ADNP: variants seen among roughly 807,000 people sequenced by gnomAD.
The protein encoded by ADNP is activity-dependent neuroprotector homeobox protein.
A neutral mutation model predicts 84.9 loss-of-function variants in ADNP; 4 were observed. That is an observed-to-expected ratio of 0.05 (90% CI 0.02 to 0.11). The LOEUF is 0.11. ADNP is among the 10% of genes least tolerant of loss of function. The probability of loss-of-function intolerance (pLI) is 1.00; values close to 1 mark genes in which losing one functional copy is unlikely to be tolerated. For synonymous variants in ADNP, 554 were observed against 468.1 expected (o/e 1.18, Z -2.37); for missense variants, 1,132 against 1,326.0 (o/e 0.85, Z 2.27).
intron 2 of ADNP, among the ~76,000 whole-genome samples, chr20:50,921,776 A>G (rs1452751292): frequency 6.6e-6 from 1 of 152,240 alleles, no homozygotes; most frequent in Non-Finnish European, 1.5e-5. Flanking sequence ...CCGACCCTTC[A>G]TCAATTTAAG....
intron 1 of ADNP, among the ~76,000 whole-genome samples, chr20:50,930,506 G>A (rs1476748376): frequency 6.6e-6 from 1 of 152,096 alleles, no homozygotes; most frequent in Non-Finnish European, 1.5e-5. Context: ...TCTGGCTGGG[G>A]GAGATGCCCT....
At chr20:50,895,023 T>C (rs959461846) in intron 5 of ADNP, among the ~76,000 whole-genome samples, 6 of 152,220 alleles carry the variant, frequency 3.9e-5, no homozygotes, top group African/African-American at 1.4e-4. Context: ...TGCTAAGTTC[T>C]TTCTCAATGT....
intron 5 of ADNP, 96 bp downstream of exon 5, chr20:50,901,921 T>G (rs897079147): frequency 1.2e-5 from 11 of 922,972 alleles, no homozygotes; most frequent in Non-Finnish European, 1.0e-5. Flanking sequence ...TGTTTGGCAC[T>G]TGCCCGCAAT....
At position 50,901,649 on chromosome 20, in the gene ADNP, A is replaced by G. The variant is rs115366818; in HGVS notation, c.201+368T>C. Among the ~76,000 whole-genome samples, 1,332 of 152,334 alleles carry G rather than the reference A, an allele frequency of 8.7e-3. 15 individuals are homozygous for G. The highest frequency in any genetic ancestry group is 0.026 in the African/African-American group (1,086 of 41,574). Reference sequence around the variant, plus strand: ...AGTTGGGTGCCATCAACATAGGGAAATAAGAAAAGCTTAAATGTAAGGAAG... The same window carrying G: ...AGTTGGGTGCCATCAACATAGGGAAGTAAGAAAAGCTTAAATGTAAGGAAG... On this transcript the variant is annotated intron_variant, in intron 5 of 5. Transcript: ENST00000621696.
intron 5 of ADNP, among the ~76,000 whole-genome samples, chr20:50,897,485 T>C (rs1368056642): frequency 6.6e-6 from 1 of 152,180 alleles, no homozygotes; most frequent in Admixed American, 6.5e-5. Context: ...ATCACAGACT[T>C]TGTGATTTAT....
chr20:50,914,604 CT>C (rs1157967818), intron 2 of ADNP, among the ~76,000 whole-genome samples: 1 of 152,214 alleles, frequency 6.6e-6, no homozygotes, highest in Admixed American at 6.5e-5. Context: ...GACTGTTCTA[CT>C]GTTGTCACAT....
chr20:50,915,744 T>C (rs1691458075), intron 2 of ADNP, among the ~76,000 whole-genome samples: 1 of 152,200 alleles, frequency 6.6e-6, no homozygotes, highest in Non-Finnish European at 1.5e-5. Context: ...TAGTATCCTC[T>C]TTCCTTAAGT....
chr20:50,913,945 T>A, intron 2 of ADNP: 1 of 689,854 alleles, frequency 1.4e-6, no homozygotes, highest in Non-Finnish European at 2.7e-6. Flanking sequence ...TATGCGAGAT[T>A]GGTCTCCTCT....
chr20:50,919,775 T>C (rs1255994731), intron 2 of ADNP, among the ~76,000 whole-genome samples: 1 of 152,174 alleles, frequency 6.6e-6, no homozygotes, highest in Non-Finnish European at 1.5e-5. Flanking sequence ...CAAGGTGTTC[T>C]AGGAACTTCT....
At chr20:50,907,415 TACC>T (rs979738823) in intron 2 of ADNP, among the ~76,000 whole-genome samples, 3 of 151,870 alleles carry the variant, frequency 2.0e-5, no homozygotes, top group Non-Finnish European at 2.9e-5. Context: ...TACAGGCGCG[TACC>T]ACCACATCGT....
rs1984741060 is a variant in ADNP, at chr20:50,931,235, C to A, written c.-674G>T. ...CTGCCTGCGGGAGGGGGAGGGGGCA[C>A]AAGATGGCGGCGGCCGGGGGGGGGG... On this transcript the variant is annotated 5_prime_UTR_variant, in exon 1 of 6. Transcript: ENST00000621696. 1.0e-5 allele frequency: 1 copy of A among 99,258 alleles called. No homozygotes were observed. Among genetic ancestry groups the A allele is most frequent in the Non-Finnish European group, 2.0e-5 (1 of 51,034 alleles). 6.1% of individuals were successfully genotyped at this position (99,258 alleles called of 1,614,324 possible).
Position 50,930,988 on chromosome 20 carries a change from CCGCGGGTGCTGCCGGGGGGCGCGGCGGG to C in ADNP, c.-455_-428del, listed in dbSNP as rs1278935419. Reference sequence around the variant, plus strand: ...CGGCGGACTCCGGCTCGCGCCGCGGCCGCGGGTGCTGCCGGGGGGCGCGGCGGGCGCAGCAGAGCGGCGGGCGGCGGCG... The same window carrying C: ...CGGCGGACTCCGGCTCGCGCCGCGGCCGCAGCAGAGCGGCGGGCGGCGGCG... On this transcript the variant is annotated 5_prime_UTR_variant, in exon 1 of 6. Transcript: ENST00000621696. 1 of 144,822 alleles carries C rather than the reference CCGCGGGTGCTGCCGGGGGGCGCGGCGGG, an allele frequency of 6.9e-6. No homozygotes were observed. The highest frequency in any genetic ancestry group is 1.5e-5 in the Non-Finnish European group (1 of 65,048). 9.0% of individuals were successfully genotyped at this position (144,822 alleles called of 1,614,324 possible). A position where few individuals can be genotyped will look rare whatever the true frequency, so the allele number is the denominator to read the frequency against.
At position 50,894,288 on chromosome 20, in the gene ADNP, A is replaced by G. The variant is rs751740602; in HGVS notation, c.426T>C (p.Thr142=). The stretch of plus-strand genomic sequence containing the variant: ...CATCATTTTTGTTTTTATCTTTGAA[A>G]GTGCTGAGGCTGCTACTTGGTGCGC... ...NASAPSSSLS[T]FKDKNKNDGL... Residue 142 remains threonine, a synonymous_variant, in exon 6 of 6, where the codon ACT becomes ACC. Transcript: ENST00000621696. 1.2e-6 allele frequency: 2 copies of G among 1,613,602 alleles called. No individual in the cohort carries two copies. The highest frequency in any genetic ancestry group is 1.7e-6 in the Non-Finnish European group (2 of 1,179,788).
At chr20:50,906,726 T>C (rs934321139) in intron 2 of ADNP, among the ~76,000 whole-genome samples, 2 of 152,188 alleles carry the variant, frequency 1.3e-5, no homozygotes, top group Non-Finnish European at 2.9e-5. Flanking sequence ...GGTATTTTTT[T>C]CTGAAAAAGT....
chr20:50,907,591 AC>A (rs1237294349), intron 2 of ADNP, among the ~76,000 whole-genome samples: 1 of 150,316 alleles, frequency 6.7e-6, no homozygotes, highest in African/African-American at 2.5e-5. Flanking sequence ...ATGTTAACTC[AC>A]GTTAACGCCT....
intron 3 of ADNP, chr20:50,904,229 T>C: frequency 2.0e-6 from 1 of 505,460 alleles, no homozygotes; most frequent in Non-Finnish European, 3.6e-6. Context: ...AGTCTTACTC[T>C]GTCGCGCAGG....
rs1293005170 is a variant in ADNP, at chr20:50,928,654, T to G, written c.-93A>C. ...CCTCCAAAATGAATATACCCACCGG[T>G]GTGAATTGACAATGTGGTCCAAAGA... On this transcript the variant is annotated 5_prime_UTR_variant, in exon 2 of 6. Transcript: ENST00000621696. 1 of 152,110 alleles carries G rather than the reference T, an allele frequency of 6.6e-6. No homozygotes were observed. The highest frequency in any genetic ancestry group is 1.9e-4 in the East Asian group (1 of 5,196). 9.4% of individuals were successfully genotyped at this position (152,110 alleles called of 1,614,324 possible). A position where few individuals can be genotyped will look rare whatever the true frequency, so the allele number is the denominator to read the frequency against.
intron 2 of ADNP, among the ~76,000 whole-genome samples, chr20:50,915,868 A>C (rs1303803182): frequency 6.6e-6 from 1 of 152,246 alleles, no homozygotes; most frequent in Non-Finnish European, 1.5e-5. Context: ...TATGTACTGA[A>C]AGCTAAATCT....
At chr20:50,914,386 TGG>T (rs1983335681) in intron 2 of ADNP, 2 of 592,698 alleles carry the variant, frequency 3.4e-6, no homozygotes, top group Non-Finnish European at 6.2e-6. Context: ...CTCAAGAGAA[TGG>T]TAGAAGGTTA....
Sources: allele counts gnomAD v4.1 joint callset (sites outside exome capture counted in the v4.1 genomes callset), GRCh38; gene constraint gnomAD v4.1.1; transcripts MANE v1.5; gene names NCBI Gene and HGNC (gene_info 2026-07-23, HGNC 2026-07-21).